The following SUPT3H variants were observed in gnomAD, a reference collection of about 807,000 sequenced individuals.
The protein encoded by SUPT3H is transcription initiation protein SPT3 homolog.
SUPT3H carries 44 observed loss-of-function variants against 44.3 expected under a neutral mutation model. The observed-to-expected ratio is 0.99, with a 90% confidence interval of 0.78 to 1.28. SUPT3H has a LOEUF of 1.28. Among genes scored for constraint, SUPT3H ranks in the 50% most tolerant of loss-of-function variants. SUPT3H has a pLI of 0.00. For synonymous variants in SUPT3H, 124 were observed against 125.6 expected (o/e 0.99, Z 0.09); for missense variants, 380 against 387.1 (o/e 0.98, Z 0.15).
chr6:44,921,055 G>A (rs1768632767), intron 10 of SUPT3H, among the ~76,000 whole-genome samples: 1 of 152,172 alleles, frequency 6.6e-6, no homozygotes, highest in African/African-American at 2.4e-5. Context: ...ACATGGCACT[G>A]CTTATTTATT....
At chr6:45,269,432 T>G (rs1775766562) in intron 2 of SUPT3H, among the ~76,000 whole-genome samples, 1 of 152,204 alleles carries the variant, frequency 6.6e-6, no homozygotes, top group South Asian at 2.1e-4. Flanking sequence ...TCATCAAAAT[T>G]ATTAGTACTG....
At chr6:44,906,568 C>T (rs1766118113) in intron 10 of SUPT3H, among the ~76,000 whole-genome samples, 1 of 152,140 alleles carries the variant, frequency 6.6e-6, no homozygotes, top group Admixed American at 6.5e-5. Flanking sequence ...TTGAGACCAG[C>T]CTGGCCAACA....
intron 3 of SUPT3H, among the ~76,000 whole-genome samples, chr6:45,080,210 C>G (rs149942888): frequency 6.6e-6 from 1 of 152,216 alleles, no homozygotes; most frequent in African/African-American, 2.4e-5. Flanking sequence ...TACAACTGAT[C>G]GTCAGAGAAA....
chr6:45,030,023 C>A (rs113922827), intron 3 of SUPT3H, among the ~76,000 whole-genome samples: 21 of 152,178 alleles, frequency 1.4e-4, no homozygotes, highest in African/African-American at 5.1e-4. Flanking sequence ...CCTTGGCCTC[C>A]CAGAGTGCTG....
chr6:45,048,521 T>A (rs1035097155), intron 3 of SUPT3H, among the ~76,000 whole-genome samples: 7 of 152,186 alleles, frequency 4.6e-5, no homozygotes, highest in Admixed American at 4.6e-4. Context: ...AACTACCATA[T>A]GATCCATCAA....
At chr6:45,245,794 T>A (rs1771233493) in intron 2 of SUPT3H, among the ~76,000 whole-genome samples, 1 of 152,144 alleles carries the variant, frequency 6.6e-6, no homozygotes, top group Non-Finnish European at 1.5e-5. Context: ...CTTTTGGGTA[T>A]ATAACCAGAA....
At chr6:45,107,590 TA>T (rs1562473362) in intron 2 of SUPT3H, among the ~76,000 whole-genome samples, 2 of 152,076 alleles carry the variant, frequency 1.3e-5, no homozygotes, top group Non-Finnish European at 2.9e-5. Context: ...CATATAGCCT[TA>T]AAAAAAGGCC....
intron 2 of SUPT3H, among the ~76,000 whole-genome samples, chr6:45,311,086 C>CA (rs2149988159): frequency 6.6e-6 from 1 of 152,208 alleles, no homozygotes; most frequent in African/African-American, 2.4e-5. Flanking sequence ...AAAGAAAATA[C>CA]AATCAAAAAT....
At chr6:44,988,824 C>T (rs889740981) in intron 6 of SUPT3H, among the ~76,000 whole-genome samples, 1 of 152,000 alleles carries the variant, frequency 6.6e-6, no homozygotes, top group Non-Finnish European at 1.5e-5. Context: ...TTTCTCCACA[C>T]CCAAGCAAAC....
At position 44,949,434 on chromosome 6, in the gene SUPT3H, CAAAAAAAAG is replaced by C. The variant is rs748867935; in HGVS notation, c.801+3867_801+3875del. 4.7e-5 allele frequency among the ~76,000 whole-genome samples: 7 copies of C among 148,898 alleles called. No homozygotes were observed. In the East Asian group the frequency reaches 7.8e-4, roughly 17 times the overall value. ...TAAATAAATGCAAGCGGAATATTGT[CAAAAAAAAG>C]AAAAAAAAGAAAAAAATTGGATAAA... is the stretch of plus-strand genomic sequence containing the variant. On this transcript the variant is annotated intron_variant, in intron 9 of 10. Coordinates refer to ENST00000371459, the MANE Select transcript of SUPT3H (RefSeq NM_003599.4).
At chr6:45,235,549 C>T (rs1188622061) in intron 2 of SUPT3H, among the ~76,000 whole-genome samples, 1 of 152,036 alleles carries the variant, frequency 6.6e-6, no homozygotes, top group Non-Finnish European at 1.5e-5. Flanking sequence ...TACCCAGTAC[C>T]TAAGACCCTA....
chr6:45,317,764 A>G (rs1254754002), intron 2 of SUPT3H, among the ~76,000 whole-genome samples: 1 of 152,200 alleles, frequency 6.6e-6, no homozygotes, highest in Admixed American at 6.5e-5. Flanking sequence ...GAAAAGCTCT[A>G]TGAAATTGGT....
chr6:45,369,624 A>C (rs1212821074), intron 1 of SUPT3H, among the ~76,000 whole-genome samples: 1 of 152,124 alleles, frequency 6.6e-6, no homozygotes, highest in Non-Finnish European at 1.5e-5. Flanking sequence ...TAATAAAGAC[A>C]CACTCTTATT....
chr6:44,920,565 CAAA>C (rs5875898), intron 10 of SUPT3H, among the ~76,000 whole-genome samples: 106 of 113,464 alleles, frequency 9.3e-4, no homozygotes, highest in Non-Finnish European at 1.1e-3. Context: ...TTGTTTCTTT[CAAA>C]AAAAAAAAAA....
chr6:44,997,250 T>C (rs1469817017), intron 6 of SUPT3H, among the ~76,000 whole-genome samples: 3 of 151,858 alleles, frequency 2.0e-5, no homozygotes, highest in Non-Finnish European at 4.4e-5. Context: ...GCCAATACAT[T>C]AATGTGGAAA....
At chr6:45,304,296 C>T (rs1421876997) in intron 2 of SUPT3H, among the ~76,000 whole-genome samples, 2 of 152,008 alleles carry the variant, frequency 1.3e-5, no homozygotes, top group African/African-American at 4.8e-5. Context: ...TAATCTCTAC[C>T]CATCCATCCA....
chr6:44,914,035 T>C (rs1375011017), intron 10 of SUPT3H, among the ~76,000 whole-genome samples: 1 of 152,212 alleles, frequency 6.6e-6, no homozygotes, highest in African/African-American at 2.4e-5. Flanking sequence ...TAATATTCTA[T>C]TATAATAATA....
rs577712427 is a variant in SUPT3H, at chr6:44,921,489, C to G, written c.912+11164G>C. Among the ~76,000 whole-genome samples, 15 of 152,244 alleles carry G rather than the reference C, an allele frequency of 9.9e-5. No individual in the cohort carries two copies. The South Asian group carries it at 2.5e-3, about 25-fold the overall frequency. ...AAAAATTAAGGCAAAGTTAGGTCACCAACATGAAGATCAACCCCTAATACT... is the reference window on the plus strand; with the variant it reads ...AAAAATTAAGGCAAAGTTAGGTCACGAACATGAAGATCAACCCCTAATACT... On this transcript the variant is annotated intron_variant, in intron 10 of 10. Transcript: ENST00000371459.
chr6:45,150,346 A>AGT, intron 2 of SUPT3H, among the ~76,000 whole-genome samples: 1 of 152,284 alleles, frequency 6.6e-6, no homozygotes, highest in South Asian at 2.1e-4. Flanking sequence ...ACATCAGTCA[A>AGT]ACATACATGG....
Sources: allele counts gnomAD v4.1 joint callset (sites outside exome capture counted in the v4.1 genomes callset), GRCh38; gene constraint gnomAD v4.1.1; transcripts MANE v1.5; gene names NCBI Gene and HGNC (gene_info 2026-07-23, HGNC 2026-07-21).